Variants in DOCK1 observed in about 807,000 individuals in gnomAD.
The protein encoded by DOCK1 is dedicator of cytokinesis 1.
In DOCK1, 138 loss-of-function variants were observed where a neutral mutation model predicts 262.7. That is an observed-to-expected ratio of 0.53 (90% CI 0.46 to 0.61). The LOEUF is 0.61. DOCK1 is among the 20% of genes least tolerant of loss of function. The probability of loss-of-function intolerance (pLI) is 0.00; values close to 1 mark genes in which losing one functional copy is unlikely to be tolerated. For synonymous variants in DOCK1, 866 were observed against 867.4 expected, an observed-to-expected ratio of 1.00 and a Z score of 0.03; for missense variants, 1,908 against 2,370.7, an observed-to-expected ratio of 0.80 and a Z score of 4.05.
At position 127,237,309 on chromosome 10, in the gene DOCK1, G is replaced by A. The variant is rs1261827871; in HGVS notation, c.2848-10699G>A. The stretch of plus-strand genomic sequence containing the variant: ...CGGGAGGCAGAGGTTGCAGTGGGCC[G>A]AGACCACACCATTGCACTCCACCCT... On this transcript the variant is annotated intron_variant, in intron 27 of 51. Coordinates refer to ENST00000623213, the MANE Select transcript of DOCK1 (RefSeq NM_001290223.2). Among the ~76,000 whole-genome samples the A allele has an allele frequency of 4.8e-5, 7 of 146,014 alleles. No homozygotes were observed. The South Asian group carries it at 8.6e-4, about 18-fold the overall frequency.
chr10:127,448,005 A>C (rs550482221), intron 51 of DOCK1, among the ~76,000 whole-genome samples: 1 of 152,298 alleles, frequency 6.6e-6, no homozygotes, highest in African/African-American at 2.4e-5. Flanking sequence ...CTTGTCTCCA[A>C]ACATCCCTCC....
At chr10:126,930,176 A>T (rs2034083930) in intron 1 of DOCK1, among the ~76,000 whole-genome samples, 1 of 152,194 alleles carries the variant, frequency 6.6e-6, no homozygotes, top group Admixed American at 6.5e-5. Flanking sequence ...GTATGAGTAG[A>T]CCACGATTTG....
chr10:127,326,497 G>A (rs1312154085), intron 29 of DOCK1, among the ~76,000 whole-genome samples: 1 of 152,192 alleles, frequency 6.6e-6, no homozygotes, highest in Non-Finnish European at 1.5e-5. Context: ...TGAGATTGCA[G>A]CAATTCAGTC....
Position 127,347,396 on chromosome 10 carries a change from G to A in DOCK1, c.3224+3650G>A, listed in dbSNP as rs375412261. On this transcript the variant is annotated intron_variant, in intron 31 of 51. Coordinates refer to ENST00000623213, the MANE Select transcript of DOCK1 (RefSeq NM_001290223.2). The stretch of plus-strand genomic sequence containing the variant: ...CGGAGGGCCTTGGCAGCCCGGAGAC[G>A]GCCCGTGGGGCTCAGCCGTGGGAGA... Among the ~76,000 whole-genome samples, 26 of 152,328 alleles carry A rather than the reference G, an allele frequency of 1.7e-4. No individual in the cohort carries two copies. The South Asian group carries it at 2.5e-3, about 15-fold the overall frequency.
At chr10:127,325,284 G>T (rs2062704799) in intron 29 of DOCK1, among the ~76,000 whole-genome samples, 2 of 152,232 alleles carry the variant, frequency 1.3e-5, no homozygotes, top group Non-Finnish European at 2.9e-5. Context: ...CAACTGACAA[G>T]CTTGTAGCAC....
chr10:127,103,652 A>G lies in DOCK1; in HGVS notation c.2446-2579A>G, dbSNP rs979041585. On this transcript the variant is annotated intron_variant, in intron 23 of 51. Coordinates refer to ENST00000623213, the MANE Select transcript of DOCK1 (RefSeq NM_001290223.2). The stretch of plus-strand genomic sequence containing the variant: ...AACGTTGGGGATGCAGATGACCAGT[A>G]TCTAGTGCTGCGTGACTTTGGATTA... Among the ~76,000 whole-genome samples the G allele has an allele frequency of 9.2e-5, 14 of 152,192 alleles. No homozygotes were observed. The East Asian group carries it at 2.5e-3, about 27-fold the overall frequency.
intron 12 of DOCK1, among the ~76,000 whole-genome samples, chr10:127,017,041 AC>A (rs1377415069): frequency 1.5e-4 from 21 of 142,658 alleles, no homozygotes; most frequent in Admixed American, 2.1e-4. Flanking sequence ...GATACCACAC[AC>A]ACACACACAC....
At chr10:127,042,108 A>C (rs1206256341) in intron 19 of DOCK1, among the ~76,000 whole-genome samples, 2 of 152,208 alleles carry the variant, frequency 1.3e-5, no homozygotes, top group African/African-American at 2.4e-5. Context: ...GAATAAAGTA[A>C]GCACCTTCTG....
chr10:127,433,284 C>G lies in DOCK1; in HGVS notation c.4916C>G (p.Pro1639Arg). 2 of 1,613,892 alleles carry G rather than the reference C, an allele frequency of 1.2e-6. No individual in the cohort carries two copies. Among genetic ancestry groups the G allele is most frequent in the Middle Eastern group, 3.3e-4 (2 of 6,062 alleles). ...CTTCTCTCTCTTTCTCGCTCTCAGCCCTCAAGTCTGGATGATAGAAGAGGC... is the reference window on the plus strand; with the variant it reads ...CTTCTCTCTCTTTCTCGCTCTCAGCGCTCAAGTCTGGATGATAGAAGAGGC... Reference protein sequence around the residue: ...VEKEYGVRIMPSSLDDRRGSR... With the variant: ...VEKEYGVRIMRSSLDDRRGSR... Residue 1639 changes from proline to arginine, a missense_variant and splice_region_variant, in exon 48 of 52, where the codon CCC (proline) becomes CGC (arginine). Coordinates refer to ENST00000623213, the MANE Select transcript of DOCK1 (RefSeq NM_001290223.2).
chr10:127,135,801 T>C (rs2050641823), intron 27 of DOCK1: 1 of 152,646 alleles, frequency 6.6e-6, no homozygotes, highest in African/African-American at 2.4e-5. Context: ...GTCCTCTTGT[T>C]TAGACAGATT....
At chr10:127,260,145 A>G (rs2134990081) in intron 29 of DOCK1, among the ~76,000 whole-genome samples, 1 of 152,324 alleles carries the variant, frequency 6.6e-6, no homozygotes, top group African/African-American at 2.4e-5. Flanking sequence ...GCCCCTTCAC[A>G]GGGTATGGCG....
chr10:126,971,513 C>T (rs938050168), intron 2 of DOCK1, among the ~76,000 whole-genome samples: 1 of 152,090 alleles, frequency 6.6e-6, no homozygotes, highest in Admixed American at 6.5e-5. Flanking sequence ...CCATCTTGGG[C>T]TCAAGCAGTC....
intron 29 of DOCK1, among the ~76,000 whole-genome samples, chr10:127,302,759 T>C (rs920995740): frequency 6.6e-6 from 1 of 150,992 alleles, no homozygotes; most frequent in African/African-American, 2.4e-5. Context: ...TGTGTGTGTG[T>C]GTGTGTGTGT....
chr10:127,384,748 T>C (rs750686471), intron 37 of DOCK1, 42 bp from the exon 38 acceptor site: 22 of 1,507,318 alleles, frequency 1.5e-5, no homozygotes, highest in Admixed American at 4.7e-5. Flanking sequence ...CGTCCCTGGG[T>C]GTTTCCGCCT....
At chr10:127,077,096 T>G (rs2046609098) in intron 23 of DOCK1, among the ~76,000 whole-genome samples, 1 of 152,130 alleles carries the variant, frequency 6.6e-6, no homozygotes, top group South Asian at 2.1e-4. Context: ...TGTTGTTAAT[T>G]AAGTTCTTAC....
At chr10:127,333,112 T>G (rs2063054265) in intron 29 of DOCK1, among the ~76,000 whole-genome samples, 1 of 152,226 alleles carries the variant, frequency 6.6e-6, no homozygotes, top group African/African-American at 2.4e-5. Context: ...CCACCCATTT[T>G]GGGTAAAACA....
chr10:127,261,237 G>A (rs2060079846), intron 29 of DOCK1, among the ~76,000 whole-genome samples: 2 of 136,960 alleles, frequency 1.5e-5, no homozygotes, highest in Non-Finnish European at 3.1e-5. Flanking sequence ...GTGTGCGTGT[G>A]TGTACCTGCA....
At chr10:127,381,218 A>G in intron 36 of DOCK1, 60 bp from the exon 37 acceptor site, 2 of 1,452,252 alleles carry the variant, frequency 1.4e-6, no homozygotes, top group Non-Finnish European at 1.9e-6. Context: ...AGCTCTTGCA[A>G]TCCTCAACAC....
intron 1 of DOCK1, among the ~76,000 whole-genome samples, chr10:126,949,091 C>T (rs2134360107): frequency 6.6e-6 from 1 of 152,202 alleles, no homozygotes; most frequent in African/African-American, 2.4e-5. Context: ...GCACGTTCTG[C>T]TGGGGGGAGG....
Sources: gnomAD v4.1 joint callset for allele counts (sites outside exome capture counted in the v4.1 genomes callset) on GRCh38, gnomAD v4.1.1 for gene constraint, MANE v1.5 for transcripts, NCBI Gene and HGNC (gene_info 2026-07-23, HGNC 2026-07-21) for gene names.